The following WDR45B variants were observed in gnomAD, a reference collection of about 807,000 sequenced individuals.
WDR45B encodes the protein WD repeat domain phosphoinositide-interacting protein 3.
WDR45B carries 20 observed loss-of-function variants against 44.6 expected under a neutral mutation model. The observed-to-expected ratio is 0.45, with a 90% CI of 0.32 to 0.65. WDR45B has a LOEUF of 0.65. WDR45B is among the 30% of genes least tolerant of loss of function. The pLI, the probability that WDR45B is intolerant of heterozygous loss-of-function variation, is 0.05. For synonymous variants in WDR45B, 169 were observed against 164.9 expected, an observed-to-expected ratio of 1.02 and a Z score of -0.19; for missense variants, 323 against 430.2, an observed-to-expected ratio of 0.75 and a Z score of 2.20.
intron 6 of WDR45B, among the ~76,000 whole-genome samples, 177 bp downstream of exon 6, chr17:82,621,432 C>G (rs144962605): frequency 2.6e-5 from 4 of 152,198 alleles, no homozygotes; most frequent in Middle Eastern, 3.2e-3. Flanking sequence ...GGGCACAAGA[C>G]GACCTGTGAA....
intron 4 of WDR45B, among the ~76,000 whole-genome samples, chr17:82,626,458 G>A (rs1010537438): frequency 2.0e-5 from 3 of 148,164 alleles, no homozygotes; most frequent in East Asian, 2.0e-4. Context: ...GCTTGAACCC[G>A]GGAGGCAGAG....
In WDR45B at chr17:82,616,739, G is replaced by T. The variant is rs74962425; in HGVS notation, c.807-94C>A. On this transcript the variant is annotated intron_variant, in intron 8 of 9. Coordinates refer to ENST00000392325, the MANE Select transcript of WDR45B (RefSeq NM_019613.4). ...AATACGCTGCTGAAAATACGAAAATGCTCCTTCATATGGTTTGAGCTTTAA... is the reference window on the plus strand; with the variant it reads ...AATACGCTGCTGAAAATACGAAAATTCTCCTTCATATGGTTTGAGCTTTAA... 4.0e-6 allele frequency: 6 copies of T among 1,505,262 alleles called. No individual in the cohort carries two copies. In the Admixed American group the frequency reaches 1.0e-4, roughly 26 times the overall value. The allele number at this position is 1,505,262 out of a possible 1,614,324, so 93.2% of individuals were successfully genotyped here.
intron 2 of WDR45B, among the ~76,000 whole-genome samples, chr17:82,634,117 C>T (rs2045803215): frequency 8.4e-6 from 1 of 119,556 alleles, no homozygotes; most frequent in Non-Finnish European, 1.6e-5. Flanking sequence ...TGACACTGCA[C>T]GCCAGCCTGG....
At chr17:82,647,423 A>C (rs1274736544) in intron 1 of WDR45B, among the ~76,000 whole-genome samples, 2 of 152,120 alleles carry the variant, frequency 1.3e-5, no homozygotes, top group Non-Finnish European at 2.9e-5. Context: ...GGAGGCAACC[A>C]TCCGAATCCA....
Position 82,625,363 on chromosome 17 carries a change from C to T in WDR45B, c.427+26G>A, listed in dbSNP as rs78549359. ...ATCTCCATGTGGACCCATTTCCCAT[C>T]GCCACCCGTCTGCTCAATCTCTCAC... is the stretch of plus-strand genomic sequence containing the variant. On this transcript the variant is annotated intron_variant, in intron 5 of 9. Transcript: ENST00000392325. The T allele has an allele frequency of 6.4e-3, 10,261 of 1,609,386 alleles. 554 individuals are homozygous for T. The African/African-American group carries it at 0.12, about 19-fold the overall frequency.
chr17:82,637,662 G>C (rs1037059835), intron 2 of WDR45B, among the ~76,000 whole-genome samples: 2 of 151,964 alleles, frequency 1.3e-5, no homozygotes, highest in Non-Finnish European at 2.9e-5. Flanking sequence ...CCGAACTCAG[G>C]GAAACACTTC....
chr17:82,624,421 C>G (rs574402387), intron 5 of WDR45B, among the ~76,000 whole-genome samples: 1 of 151,956 alleles, frequency 6.6e-6, no homozygotes, highest in South Asian at 2.1e-4. Flanking sequence ...GCCACCACAT[C>G]CAGCTAAGTT....
At chr17:82,630,769 G>A (rs2045756776) in intron 3 of WDR45B, 152 bp downstream of exon 3, 1 of 788,264 alleles carries the variant, frequency 1.3e-6, no homozygotes. Context: ...GAGACCTGGT[G>A]CCCTCTTCGC....
chr17:82,640,581 C>A (rs1348215137), intron 2 of WDR45B, among the ~76,000 whole-genome samples: 1 of 152,058 alleles, frequency 6.6e-6, no homozygotes, highest in African/African-American at 2.4e-5. Flanking sequence ...GATCTCCTGA[C>A]CTCGTGATCT....
In WDR45B at chr17:82,617,291, C is replaced by T. The variant is rs1448343411; in HGVS notation, c.806+5G>A. On this transcript the variant is annotated splice_donor_5th_base_variant and intron_variant, in intron 8 of 9. Transcript: ENST00000392325. The stretch of plus-strand genomic sequence containing the variant: ...CTTTTCCCCAGCAGGCATCCTAACA[C>T]CTACCTGGACTGTTTATTCCTTTTT... 1 of 1,612,436 alleles carries T rather than the reference C, an allele frequency of 6.2e-7. No individual in the cohort carries two copies. Among genetic ancestry groups the T allele is most frequent in the Admixed American group, 1.7e-5 (1 of 60,002 alleles).
chr17:82,625,630 G>T (rs1459707890), intron 4 of WDR45B, 147 bp from the exon 5 acceptor site: 4 of 823,316 alleles, frequency 4.9e-6, no homozygotes, highest in Admixed American at 2.1e-5. Context: ...TCTGGAGGCA[G>T]GTAGCCAGCG....
At position 82,635,888 on chromosome 17, in the gene WDR45B, G is replaced by C. The variant is rs895629239; in HGVS notation, c.143-4866C>G. Among the ~76,000 whole-genome samples the C allele has an allele frequency of 1.8e-4, 27 of 151,768 alleles. 1 individual carries two copies. The highest frequency in any genetic ancestry group is 6.3e-4 in the African/African-American group (26 of 41,234). ...TGGATCCCTCAGGTCGGGAGTTCAA[G>C]ACCAGCGCGACCAACATGGAAAACC... On this transcript the variant is annotated intron_variant, in intron 2 of 9. Coordinates refer to ENST00000392325, the MANE Select transcript of WDR45B (RefSeq NM_019613.4).
chr17:82,634,491 C>CA (rs35991114), intron 2 of WDR45B, among the ~76,000 whole-genome samples: 16,208 of 147,360 alleles, frequency 0.11, 1,140 homozygotes, highest in Admixed American at 0.17. Context: ...GACTCTGTCT[C>CA]AAAAAAAAAG....
chr17:82,617,209 G>T, intron 8 of WDR45B, 87 bp downstream of exon 8: 1 of 1,211,378 alleles, frequency 8.3e-7, no homozygotes, highest in Non-Finnish European at 1.2e-6. Context: ...CACCCTGCTG[G>T]GGTGGGGGGC....
chr17:82,646,034 T>C (rs547243346), intron 1 of WDR45B, among the ~76,000 whole-genome samples: 167 of 150,976 alleles, frequency 1.1e-3, no homozygotes, highest in African/African-American at 3.9e-3. Context: ...GGCAGGAGAA[T>C]CGCTTGAACC....
intron 1 of WDR45B, among the ~76,000 whole-genome samples, chr17:82,647,589 T>C (rs937138952): frequency 1.3e-5 from 2 of 152,068 alleles, no homozygotes; most frequent in African/African-American, 2.4e-5. Flanking sequence ...GAAGTAAGAT[T>C]TCCCTCAAAG....
At chr17:82,627,536 C>T (rs891280203) in intron 3 of WDR45B, among the ~76,000 whole-genome samples, 1 of 152,276 alleles carries the variant, frequency 6.6e-6, no homozygotes, top group Non-Finnish European at 1.5e-5. Context: ...TGGTAGCTGG[C>T]TGCCCACTTG....
intron 3 of WDR45B, among the ~76,000 whole-genome samples, chr17:82,629,107 CTG>C (rs1421303461): frequency 1.3e-5 from 2 of 152,226 alleles, no homozygotes; most frequent in African/African-American, 2.4e-5. Context: ...TCTTCTAAGT[CTG>C]TGAAGTTTCT....
chr17:82,638,214 A>AGGGAGGGGAGGGAAAGGGAG (rs2045862211), intron 2 of WDR45B, among the ~76,000 whole-genome samples: 1 of 24,744 alleles, frequency 4.0e-5, no homozygotes, highest in East Asian at 1.8e-3. Context: ...GGGGAGGGAA[A>AGGGAGGGGAGGGAAAGGGAG]GGGAGGGGAG....
Sources: allele counts gnomAD v4.1 joint callset (sites outside exome capture counted in the v4.1 genomes callset), GRCh38; gene constraint gnomAD v4.1.1; transcripts MANE v1.5; gene names NCBI Gene and HGNC (gene_info 2026-07-23, HGNC 2026-07-21).